The following ADAMTS20 variants were observed in gnomAD, a reference collection of about 807,000 sequenced individuals.
The protein encoded by ADAMTS20 is A disintegrin and metalloproteinase with thrombospondin motifs 20.
In ADAMTS20, 225 loss-of-function variants were observed where a neutral mutation model predicts 260.1. That is an observed-to-expected ratio of 0.87 (90% confidence interval 0.78 to 0.97). The LOEUF is 0.97. Among genes scored for constraint, ADAMTS20 ranks in the 50% least tolerant of loss-of-function variants. The pLI is 0.00. For missense variants in ADAMTS20, 2,400 were observed against 2,337.7 expected (o/e 1.03, Z -0.55); for synonymous variants, 802 against 769.5 (o/e 1.04, Z -0.70).
intron 37 of ADAMTS20, among the ~76,000 whole-genome samples, chr12:43,367,604 C>A (rs1940015638): frequency 6.6e-6 from 1 of 152,064 alleles, no homozygotes; most frequent in Non-Finnish European, 1.5e-5. Context: ...TGCTGAAGGA[C>A]TGAATGCCTT....
intron 28 of ADAMTS20, among the ~76,000 whole-genome samples, chr12:43,404,727 A>G (rs955833227): frequency 6.6e-6 from 1 of 152,186 alleles, no homozygotes; most frequent in Non-Finnish European, 1.5e-5. Flanking sequence ...TACACTAAAA[A>G]TTAGTCTTTG....
At chr12:43,533,277 GT>G (rs1943251193) in intron 2 of ADAMTS20, among the ~76,000 whole-genome samples, 1 of 148,544 alleles carries the variant, frequency 6.7e-6, no homozygotes, top group African/African-American at 2.5e-5. Context: ...TCTCATAGTG[GT>G]TTTGATTTGC....
At chr12:43,407,797 A>C (rs578025391) in intron 28 of ADAMTS20, among the ~76,000 whole-genome samples, 2 of 152,156 alleles carry the variant, frequency 1.3e-5, no homozygotes, top group Non-Finnish European at 2.9e-5. Flanking sequence ...GGTAGAAGCA[A>C]TAGTAAATGT....
At chr12:43,423,521 T>C in intron 28 of ADAMTS20, 1 of 577,332 alleles carries the variant, frequency 1.7e-6, no homozygotes, top group Admixed American at 3.1e-5. Context: ...TCAATCTCAT[T>C]AGCAGTTAGG....
intron 16 of ADAMTS20, among the ~76,000 whole-genome samples, chr12:43,443,569 GAAAAC>G (rs1941706131): frequency 6.6e-6 from 1 of 151,360 alleles, no homozygotes; most frequent in Non-Finnish European, 1.5e-5. Context: ...GAAAAAAACT[GAAAAC>G]AAATTATTGT....
intron 31 of ADAMTS20, 130 bp from the exon 32 acceptor site, chr12:43,377,692 A>G (rs2137214962): frequency 1.3e-6 from 1 of 750,106 alleles, no homozygotes; most frequent in East Asian, 2.8e-5. Context: ...CTTCATTTAC[A>G]GATGAGCAAA....
chr12:43,368,553 C>T (rs763327092), intron 37 of ADAMTS20, among the ~76,000 whole-genome samples: 13 of 152,040 alleles, frequency 8.6e-5, no homozygotes, highest in Non-Finnish European at 1.5e-4. Context: ...CTATGACAAA[C>T]TATTAACTAC....
chr12:43,383,266 C>T (rs897466597), intron 31 of ADAMTS20, among the ~76,000 whole-genome samples: 1 of 152,062 alleles, frequency 6.6e-6, no homozygotes, highest in African/African-American at 2.4e-5. Flanking sequence ...TCGATAAAGC[C>T]ATTTCTAAAA....
At chr12:43,451,831 A>T (rs1565554880) in intron 14 of ADAMTS20, among the ~76,000 whole-genome samples, 1 of 152,016 alleles carries the variant, frequency 6.6e-6, no homozygotes, top group Non-Finnish European at 1.5e-5. Flanking sequence ...TACTCAATCA[A>T]TGTTTGTTGA....
At chr12:43,520,187 T>G (rs1592107964) in intron 3 of ADAMTS20, among the ~76,000 whole-genome samples, 1 of 152,278 alleles carries the variant, frequency 6.6e-6, no homozygotes, top group East Asian at 1.9e-4. Flanking sequence ...TTAACTGTAC[T>G]GAATCTAAGA....
intron 3 of ADAMTS20, among the ~76,000 whole-genome samples, chr12:43,507,136 G>C (rs1408317794): frequency 6.6e-6 from 1 of 152,182 alleles, no homozygotes; most frequent in Non-Finnish European, 1.5e-5. Context: ...TGGTAACTCT[G>C]TGAGGTGATG....
In ADAMTS20 at chr12:43,353,993, C is replaced by T; in HGVS notation, c.*216G>A. 2 of 346,610 alleles carry T rather than the reference C, an allele frequency of 5.8e-6. No homozygotes were observed. Among genetic ancestry groups the T allele is most frequent in the Non-Finnish European group, 1.0e-5 (2 of 190,606 alleles). The allele number at this position is 346,610 out of a possible 1,614,324, so 21.5% of individuals were successfully genotyped here. ...ATTATTATGTTCTTTAAAAAATATC[C>T]TGATTAGATATAAAATAAATTAAGA... On this transcript the variant is annotated 3_prime_UTR_variant, in exon 39 of 39. Transcript: ENST00000389420.
chr12:43,502,431 C>A, intron 3 of ADAMTS20, 26 bp from the exon 4 acceptor site: 1 of 1,562,326 alleles, frequency 6.4e-7, no homozygotes, highest in Non-Finnish European at 8.6e-7. Context: ...GAATATAATG[C>A]AGAGCCATTA....
intron 6 of ADAMTS20, 111 bp downstream of exon 6, chr12:43,492,394 A>T: frequency 7.6e-7 from 1 of 1,322,888 alleles, no homozygotes; most frequent in Non-Finnish European, 1.0e-6. Flanking sequence ...AAAAAAGAAA[A>T]AGAAAAAGAA....
At position 43,502,066 on chromosome 12, in the gene ADAMTS20, T is replaced by C. The variant is rs1942774147; in HGVS notation, c.867+86A>G. 5 of 1,310,170 alleles carry C rather than the reference T, an allele frequency of 3.8e-6. No homozygotes were observed. In the East Asian group the frequency reaches 1.3e-4, roughly 35 times the overall value. The allele number at this position is 1,310,170 out of a possible 1,614,324, so 81.2% of individuals were successfully genotyped here. On this transcript the variant is annotated intron_variant, in intron 4 of 38. Transcript: ENST00000389420. Reference sequence around the variant, plus strand: ...AGATACAAAATTACATCTAAAGAGTTTGGAAAAAAAATTTAATTCGACATG... The same window carrying C: ...AGATACAAAATTACATCTAAAGAGTCTGGAAAAAAAATTTAATTCGACATG...
intron 28 of ADAMTS20, among the ~76,000 whole-genome samples, chr12:43,409,418 C>T (rs1350826102): frequency 6.6e-6 from 1 of 150,872 alleles, no homozygotes; most frequent in South Asian, 2.1e-4. Flanking sequence ...CCGGCTAAAA[C>T]GGTGAAACCT....
At position 43,532,196 on chromosome 12, in the gene ADAMTS20, C is replaced by T. The variant is rs1421263968; in HGVS notation, c.454-1G>A. 6.3e-7 allele frequency: 1 copy of T among 1,588,954 alleles called. No individual in the cohort carries two copies. ...CGTTCTGTCCTTTAAATGTTCCCGT[C>T]TGAAAATAAAGGAAACAAAAATGAA... On this transcript the variant is annotated splice_acceptor_variant, in intron 2 of 38. Transcript: ENST00000389420. LOFTEE classifies it high-confidence loss of function.
At chr12:43,431,627 C>T (rs1712489764) in intron 21 of ADAMTS20, 131 bp from the exon 22 acceptor site, 7 of 1,049,672 alleles carry the variant, frequency 6.7e-6, no homozygotes, top group South Asian at 2.7e-5. Context: ...TTCCCTCACT[C>T]CACCAGAGAT....
At chr12:43,533,454 C>A (rs1449906138) in intron 2 of ADAMTS20, among the ~76,000 whole-genome samples, 1 of 106,866 alleles carries the variant, frequency 9.4e-6, no homozygotes, top group Admixed American at 9.9e-5. Context: ...GAACTACAAA[C>A]CACTGCTCAA....
Sources: gnomAD v4.1 joint callset for allele counts (sites outside exome capture counted in the v4.1 genomes callset) on GRCh38, gnomAD v4.1.1 for gene constraint, MANE v1.5 for transcripts, NCBI Gene and HGNC (gene_info 2026-07-23, HGNC 2026-07-21) for gene names.